FNDC3B: variants seen among roughly 807,000 people sequenced by gnomAD.
The protein encoded by FNDC3B is fibronectin type III domain-containing protein 3B.
A neutral mutation model predicts 151.5 loss-of-function variants in FNDC3B; 12 were observed. That is an observed-to-expected ratio of 0.08 (90% confidence interval 0.05 to 0.13). The LOEUF is 0.13. FNDC3B is among the 10% of genes least tolerant of loss of function. The pLI, the probability that FNDC3B is intolerant of heterozygous loss-of-function variation, is 1.00. For synonymous variants in FNDC3B, 528 were observed against 549.0 expected (o/e 0.96, Z 0.54); for missense variants, 1,214 against 1,505.3 (o/e 0.81, Z 3.20).
intron 3 of FNDC3B, among the ~76,000 whole-genome samples, chr3:172,166,701 C>T (rs991334534): frequency 4.0e-5 from 6 of 151,808 alleles, no homozygotes; most frequent in Non-Finnish European, 8.8e-5. Context: ...GCTGCAGTGC[C>T]CTATGATTGT....
chr3:172,389,350 G>T (rs1560112373), intron 25 of FNDC3B, among the ~76,000 whole-genome samples: 1 of 152,006 alleles, frequency 6.6e-6, no homozygotes, highest in Non-Finnish European at 1.5e-5. Context: ...AGATATGACT[G>T]GCCTCACCAC....
chr3:172,246,659 G>C (rs1727792711), intron 4 of FNDC3B, among the ~76,000 whole-genome samples: 1 of 152,246 alleles, frequency 6.6e-6, no homozygotes. Context: ...GGCTGAGGCA[G>C]GAAGATGACT....
intron 23 of FNDC3B, among the ~76,000 whole-genome samples, chr3:172,369,575 T>G (rs1734785054): frequency 6.6e-6 from 1 of 152,110 alleles, no homozygotes; most frequent in Non-Finnish European, 1.5e-5. Context: ...TTCCACCCAT[T>G]AATGAAACAG....
intron 2 of FNDC3B, among the ~76,000 whole-genome samples, chr3:172,123,148 C>T (rs1007757256): frequency 5.3e-5 from 8 of 152,222 alleles, no homozygotes; most frequent in African/African-American, 7.2e-5. Flanking sequence ...AAGCTATCCT[C>T]TCACCTCAGC....
rs180787346 is a variant in FNDC3B, at chr3:172,061,009, T to C, written c.-29+21238T>C. ...AACCCACTTAAGCTAGTTTAAGCAA[T>C]AAAGGTTTGAGGAAAATGAAGGCAG... On this transcript the variant is annotated intron_variant, in intron 1 of 25. Coordinates refer to ENST00000415807, the MANE Select transcript of FNDC3B (RefSeq NM_022763.4). Among the ~76,000 whole-genome samples the C allele has an allele frequency of 1.1e-4, 17 of 152,278 alleles. No individual in the cohort carries two copies. In the East Asian group the frequency reaches 3.3e-3, roughly 29 times the overall value.
At chr3:172,368,642 T>C (rs963376439) in intron 23 of FNDC3B, among the ~76,000 whole-genome samples, 28 of 152,236 alleles carry the variant, frequency 1.8e-4, no homozygotes, top group African/African-American at 6.8e-4. Flanking sequence ...TCTTTTTGCC[T>C]TAATTTCCCC....
chr3:172,056,175 G>A (rs1182120533), intron 1 of FNDC3B, among the ~76,000 whole-genome samples: 3 of 152,084 alleles, frequency 2.0e-5, no homozygotes, highest in Admixed American at 6.5e-5. Flanking sequence ...ATTCTAGCCT[G>A]ATGTCAGACG....
At chr3:172,282,019 T>TTG (rs1346377702) in intron 6 of FNDC3B, among the ~76,000 whole-genome samples, 1 of 152,054 alleles carries the variant, frequency 6.6e-6, no homozygotes, top group Non-Finnish European at 1.5e-5. Flanking sequence ...GAAAGAGTGG[T>TTG]CATTCAGTGT....
At chr3:172,214,229 TAC>T (rs1303458148) in intron 3 of FNDC3B, among the ~76,000 whole-genome samples, 6 of 152,166 alleles carry the variant, frequency 3.9e-5, no homozygotes, top group African/African-American at 1.4e-4. Flanking sequence ...GTTTTTCACT[TAC>T]AAACAAAAGA....
intron 16 of FNDC3B, 81 bp downstream of exon 16, chr3:172,337,482 G>T (rs1237829791): frequency 2.2e-5 from 19 of 883,146 alleles, no homozygotes; most frequent in Non-Finnish European, 3.4e-5. Context: ...TATAGTAATA[G>T]TGAGTAATCA....
rs910701735 is a variant in FNDC3B at position 172,040,632 on chromosome 3, G to T, written c.-29+861G>T. The T allele has an allele frequency of 2.6e-5, 4 of 151,648 alleles. No individual in the cohort carries two copies. Among genetic ancestry groups the T allele is most frequent in the Admixed American group, 2.0e-4 (3 of 15,242 alleles). The allele number at this position is 151,648 out of a possible 1,614,324, so 9.4% of individuals were successfully genotyped here. ...TGGGCCAGCGGAGCTCCGGTCAGTC[G>T]GTCACCCCGAGGGGCGCCTCGGCCG... On this transcript the variant is annotated intron_variant, in intron 1 of 25. Transcript: ENST00000415807. This position sits in a 1 kb window ranked among gnomAD's most constrained non-coding sequence, Gnocchi z 6.6.
At chr3:172,082,576 C>T (rs1178878307) in intron 1 of FNDC3B, among the ~76,000 whole-genome samples, 1 of 152,162 alleles carries the variant, frequency 6.6e-6, no homozygotes, top group Middle Eastern at 3.2e-3. Flanking sequence ...CACTTTGTAA[C>T]CTACTCCAGC....
chr3:172,042,831 GTT>G (rs397696676), intron 1 of FNDC3B, among the ~76,000 whole-genome samples: 220 of 141,398 alleles, frequency 1.6e-3, no homozygotes, highest in African/African-American at 5.5e-3. Flanking sequence ...AACAGTTTAA[GTT>G]TTTTTTTTTT....
At chr3:172,385,040 A>G (rs1350719463) in intron 25 of FNDC3B, among the ~76,000 whole-genome samples, 1 of 151,444 alleles carries the variant, frequency 6.6e-6, no homozygotes, top group African/African-American at 2.4e-5. Context: ...ATGAAAAGCC[A>G]CAGTTGAGTC....
intron 1 of FNDC3B, among the ~76,000 whole-genome samples, chr3:172,046,731 G>A (rs893245684): frequency 4.6e-5 from 7 of 152,140 alleles, no homozygotes; most frequent in African/African-American, 1.4e-4. Context: ...AGTGTTATTT[G>A]AGGTTCTAGT....
In FNDC3B at chr3:172,369,856, A is replaced by G. The variant is rs552026407; in HGVS notation, c.3008+7011A>G. Among the ~76,000 whole-genome samples, 5 of 152,224 alleles carry G rather than the reference A, an allele frequency of 3.3e-5. No homozygotes were observed. The South Asian group carries it at 1.0e-3, about 32-fold the overall frequency. ...AATACTATCCATTTCTATTTTGAGC[A>G]CCGTTCGTTCCCAAATGCCACCTGA... is the stretch of plus-strand genomic sequence containing the variant. On this transcript the variant is annotated intron_variant, in intron 23 of 25. Transcript: ENST00000415807.
Position 172,357,512 on chromosome 3 carries a change from G to T in FNDC3B, c.2795+4429G>T, listed in dbSNP as rs538161074. ...TTTTATTTTCTGAGGTGAATTCTTG[G>T]AGTGGTTCCTCAGGTTAATGTTTGT... On this transcript the variant is annotated intron_variant, in intron 22 of 25. Coordinates refer to ENST00000415807, the MANE Select transcript of FNDC3B (RefSeq NM_022763.4). 1.2e-4 allele frequency among the ~76,000 whole-genome samples: 19 copies of T among 152,290 alleles called. No individual in the cohort carries two copies. The East Asian group carries it at 3.1e-3, about 25-fold the overall frequency.
chr3:172,343,037 A>C lies in FNDC3B; in HGVS notation c.1998A>C (p.Thr666=), dbSNP rs1016843018. ...GTTCTGAAAGTCTCCCTGTTCGCAC[A>C]CTAAGCATTGCACCAGGTCAATGTC... ...SQCSESLPVR[T]LSIAPGQCRP... The change falls in exon 18 of 26, where the codon ACA becomes ACC. Residue 666 remains threonine, a synonymous_variant. Transcript: ENST00000415807. The C allele has an allele frequency of 1.2e-6, 2 of 1,612,958 alleles. No individual in the cohort carries two copies. Among genetic ancestry groups the C allele is most frequent in the Non-Finnish European group, 1.7e-6 (2 of 1,179,080 alleles).
At chr3:172,186,873 C>A in intron 3 of FNDC3B, 1 of 587,202 alleles carries the variant, frequency 1.7e-6, no homozygotes, top group Non-Finnish European at 3.0e-6. Flanking sequence ...TTAAGTGGCC[C>A]ACAGTCAGTT....
Sources: gnomAD v4.1 joint callset for allele counts (sites outside exome capture counted in the v4.1 genomes callset) on GRCh38, gnomAD v4.1.1 for gene constraint, Gnocchi (gnomAD v3.1) non-coding constraint, MANE v1.5 for transcripts, NCBI Gene and HGNC (gene_info 2026-07-23, HGNC 2026-07-21) for gene names.